Variants in SH2B3 observed in about 807,000 individuals in gnomAD.
SH2B3 encodes SH2B adapter protein 3.
SH2B3 carries 43 observed loss-of-function variants against 51.9 expected under a neutral mutation model. The ratio of observed to expected loss-of-function variants is 0.83; its 90% CI spans 0.65 to 1.07. SH2B3 has a LOEUF of 1.07. SH2B3 is among the 50% of genes least tolerant of loss of function. The pLI, the probability that SH2B3 is intolerant of heterozygous loss-of-function variation, is 0.00. For synonymous variants in SH2B3, 396 were observed against 376.0 expected, an observed-to-expected ratio of 1.05 and a Z score of -0.62; for missense variants, 952 against 834.3, an observed-to-expected ratio of 1.14 and a Z score of -1.74.
At chr12:111,442,576 C>G (rs1045497131) in intron 2 of SH2B3, among the ~76,000 whole-genome samples, 1 of 152,200 alleles carries the variant, frequency 6.6e-6, no homozygotes, top group Non-Finnish European at 1.5e-5. Flanking sequence ...CAAGGCTGGT[C>G]TGGGCCAAGC....
At chr12:111,412,847 AGGTGT>A (rs1870807883) in intron 1 of SH2B3, among the ~76,000 whole-genome samples, 1 of 152,116 alleles carries the variant, frequency 6.6e-6, no homozygotes, top group Admixed American at 6.6e-5. Flanking sequence ...TTGAGATTAT[AGGTGT>A]GAGCCACTGA....
chr12:111,414,192 T>C (rs1437309355), intron 1 of SH2B3, among the ~76,000 whole-genome samples: 3 of 152,220 alleles, frequency 2.0e-5, no homozygotes, highest in South Asian at 2.1e-4. Flanking sequence ...AGGGCAGATG[T>C]GGCCCCTCCC....
rs753818112 is a variant in SH2B3, at chr12:111,448,154, A to T, written c.1580A>T (p.His527Leu). 6.2e-7 allele frequency: 1 copy of T among 1,613,986 alleles called. No homozygotes were observed. Among genetic ancestry groups the T allele is most frequent in the Non-Finnish European group, 8.5e-7 (1 of 1,179,968 alleles). Residue 527 changes from histidine to leucine, a missense_variant, in exon 8 of 8, where the codon CAC becomes CTC. Physicochemically the swap from His to Leu is moderately conservative, Grantham distance 99 (BLOSUM62 -3). Coordinates refer to ENST00000341259, the MANE Select transcript of SH2B3 (RefSeq NM_005475.3). ...TCCTCACCCCCCGAGCAGATCTTCCACCTGGTGCCTTCGCCCGAAGAACTG... is the reference window on the plus strand; with the variant it reads ...TCCTCACCCCCCGAGCAGATCTTCCTCCTGGTGCCTTCGCCCGAAGAACTG... Reference protein sequence around the residue: ...GRSSPPEQIFHLVPSPEELAN... With the variant: ...GRSSPPEQIFLLVPSPEELAN...
intron 1 of SH2B3, among the ~76,000 whole-genome samples, chr12:111,415,368 C>T (rs531623203): frequency 1.3e-5 from 2 of 152,280 alleles, no homozygotes; most frequent in Admixed American, 6.5e-5. Context: ...GAGGTCCCAA[C>T]TGTTCTGCAC....
At chr12:111,440,363 C>T (rs1873292645) in intron 2 of SH2B3, among the ~76,000 whole-genome samples, 1 of 152,238 alleles carries the variant, frequency 6.6e-6, no homozygotes, top group African/African-American at 2.4e-5. Flanking sequence ...CAGGATTGTC[C>T]TTTGCTCTGG....
chr12:111,410,263 C>G lies in SH2B3; in HGVS notation c.-28+3986C>G, dbSNP rs1272132237. Among the ~76,000 whole-genome samples, 1 of 152,194 alleles carries G rather than the reference C, an allele frequency of 6.6e-6. No homozygotes were observed. Among genetic ancestry groups the G allele is most frequent in the Admixed American group, 6.5e-5 (1 of 15,280 alleles). ...GGGATCTGCCCTTTCAGAGCTCACACACTGGTGTCATCTCAAGGAGGAGAG... is the reference window on the plus strand; with the variant it reads ...GGGATCTGCCCTTTCAGAGCTCACAGACTGGTGTCATCTCAAGGAGGAGAG... On this transcript the variant is annotated intron_variant, in intron 1 of 7. Transcript: ENST00000341259. The surrounding 1 kb of genome is among the most constrained non-coding windows in gnomAD (Gnocchi z 4.9).
chr12:111,406,643 C>T lies in SH2B3; in HGVS notation c.-28+366C>T, dbSNP rs1280710457. Among the ~76,000 whole-genome samples, 1 of 152,190 alleles carries T rather than the reference C, an allele frequency of 6.6e-6. No homozygotes were observed. The highest frequency in any genetic ancestry group is 2.4e-5 in the African/African-American group (1 of 41,456). On this transcript the variant is annotated intron_variant, in intron 1 of 7. Coordinates refer to ENST00000341259, the MANE Select transcript of SH2B3 (RefSeq NM_005475.3). This position sits in a 1 kb window ranked among gnomAD's most constrained non-coding sequence, Gnocchi z 5.7. ...AGCGGTCAGGGGTCACCCATTGCTA[C>T]CCTGAAAGTGAAAGTAGTCAAACTG... is the stretch of plus-strand genomic sequence containing the variant.
intron 1 of SH2B3, among the ~76,000 whole-genome samples, chr12:111,414,859 G>A (rs930727487): frequency 6.6e-6 from 1 of 152,188 alleles, no homozygotes; most frequent in South Asian, 2.1e-4. Context: ...CCTTTCATGG[G>A]TTCCTTACAA....
rs147727295 is a variant in SH2B3, at chr12:111,409,682, G to T, written c.-28+3405G>T. ...CTGCACCCCACCTCCCCAGCTTCCCGGGGCTTGAGATCCCTTGGAGACTGA... is the reference window on the plus strand; with the variant it reads ...CTGCACCCCACCTCCCCAGCTTCCCTGGGCTTGAGATCCCTTGGAGACTGA... On this transcript the variant is annotated intron_variant, in intron 1 of 7. Coordinates refer to ENST00000341259, the MANE Select transcript of SH2B3 (RefSeq NM_005475.3). This position sits in a 1 kb window ranked among gnomAD's most constrained non-coding sequence, Gnocchi z 4.0. Among the ~76,000 whole-genome samples, 1 of 152,166 alleles carries T rather than the reference G, an allele frequency of 6.6e-6. No homozygotes were observed. The highest frequency in any genetic ancestry group is 6.5e-5 in the Admixed American group (1 of 15,280).
intron 2 of SH2B3, among the ~76,000 whole-genome samples, chr12:111,433,473 C>T (rs1023700460): frequency 7.9e-5 from 12 of 152,188 alleles, no homozygotes; most frequent in Non-Finnish European, 1.6e-4. Flanking sequence ...ATGTCCTTGC[C>T]AATATTTGTT....
chr12:111,439,630 G>C (rs1873221626), intron 2 of SH2B3, among the ~76,000 whole-genome samples: 1 of 152,228 alleles, frequency 6.6e-6, no homozygotes, highest in Non-Finnish European at 1.5e-5. Flanking sequence ...CGAGGCTGGA[G>C]TGCAGTGGCA....
intron 2 of SH2B3, 87 bp from the exon 3 acceptor site, chr12:111,446,666 T>C: frequency 2.8e-6 from 2 of 717,216 alleles, no homozygotes; most frequent in South Asian, 3.9e-5. Flanking sequence ...AAAGGGGGAC[T>C]CCTGGGGAGA....
At chr12:111,442,501 G>C (rs1013630392) in intron 2 of SH2B3, among the ~76,000 whole-genome samples, 1 of 152,192 alleles carries the variant, frequency 6.6e-6, no homozygotes, top group Non-Finnish European at 1.5e-5. Context: ...AAAGGCTCTG[G>C]GGAAGGTAAG....
intron 2 of SH2B3, among the ~76,000 whole-genome samples, chr12:111,428,566 G>A (rs1181527802): frequency 6.6e-6 from 1 of 152,166 alleles, no homozygotes; most frequent in African/African-American, 2.4e-5. Context: ...TCTGGCAGGA[G>A]ACATTTGGGG....
intron 1 of SH2B3, among the ~76,000 whole-genome samples, chr12:111,412,953 G>A (rs895294928): frequency 6.6e-5 from 10 of 152,090 alleles, no homozygotes; most frequent in African/African-American, 9.7e-5. Context: ...AGCTACTGCC[G>A]ACTCCTGACT....
intron 2 of SH2B3, among the ~76,000 whole-genome samples, chr12:111,441,541 G>C (rs1873407374): frequency 6.6e-6 from 1 of 152,072 alleles, no homozygotes; most frequent in South Asian, 2.1e-4. Context: ...ATGGCTTTTA[G>C]CAACTAGGCT....
intron 2 of SH2B3, among the ~76,000 whole-genome samples, chr12:111,441,998 C>G (rs780204788): frequency 2.6e-5 from 4 of 151,960 alleles, no homozygotes; most frequent in Non-Finnish European, 5.9e-5. Context: ...GTGGTGTGAT[C>G]TCAGCTCACT....
At chr12:111,417,585 G>A (rs1388815753) in intron 1 of SH2B3, among the ~76,000 whole-genome samples, 1 of 151,896 alleles carries the variant, frequency 6.6e-6, no homozygotes, top group East Asian at 1.9e-4. Context: ...CAAGTAGTTA[G>A]GACTACAGGT....
At chr12:111,414,638 G>C (rs1870945606) in intron 1 of SH2B3, among the ~76,000 whole-genome samples, 1 of 151,964 alleles carries the variant, frequency 6.6e-6, no homozygotes, top group Non-Finnish European at 1.5e-5. Context: ...CTTCCATCGA[G>C]GGCAGAGGCA....
Sources: allele counts gnomAD v4.1 joint callset (sites outside exome capture counted in the v4.1 genomes callset), GRCh38; gene constraint gnomAD v4.1.1; non-coding constraint Gnocchi (gnomAD v3.1); transcripts MANE v1.5; gene names NCBI Gene and HGNC (gene_info 2026-07-23, HGNC 2026-07-21).